IFFO1: variants seen among roughly 807,000 people sequenced by gnomAD.
IFFO1 encodes non-homologous end joining factor IFFO1.
A neutral mutation model predicts 59.6 loss-of-function variants in IFFO1; 42 were observed. That is an observed-to-expected ratio of 0.70 (90% CI 0.55 to 0.91). The LOEUF (loss-of-function observed/expected upper bound fraction) is 0.91. Ranked by LOEUF, IFFO1 falls within the 40% of genes least tolerant of loss-of-function variation. The pLI is 0.00. For missense variants in IFFO1, 711 were observed against 793.2 expected (o/e 0.90, Z 1.24); for synonymous variants, 336 against 342.8 (o/e 0.98, Z 0.22).
Position 6,550,680 on chromosome 12 carries a change from TG to T in IFFO1, c.930+14del. ...GCCTCACTTCGACCCTCGGGAAGCC[TG>T]GGGCTGCACTCACGTTACTCATGAG... On this transcript the variant is annotated intron_variant, in intron 3 of 9. Coordinates refer to ENST00000619571, the MANE Select transcript of IFFO1 (RefSeq NM_001193457.2). 1 of 1,607,506 alleles carries T rather than the reference TG, an allele frequency of 6.2e-7. No individual in the cohort carries two copies. Among genetic ancestry groups the T allele is most frequent in the Non-Finnish European group, 8.5e-7 (1 of 1,174,180 alleles).
At position 6,555,281 on chromosome 12, in the gene IFFO1, C is replaced by A. The variant is rs750382637; in HGVS notation, c.749G>T (p.Arg250Leu). Residue 250 changes from arginine (R) to leucine (L), a missense_variant, in exon 1 of 10, where the codon CGG (arginine) becomes CTG (leucine). Physicochemically the swap from Arg to Leu is moderately radical, Grantham distance 102. Around this residue, in one of 3 missense-constraint regions of IFFO1, gnomAD observed 579 missense variants for 650.3 expected, o/e 0.89. Transcript: ENST00000619571. The surrounding 1 kb of genome is among the most constrained non-coding windows in gnomAD (Gnocchi z 8.6). ...ALYNVLAKVK[R>L]ERDEYKRRWE... ...CCTCCGCTTGTACTCGTCCCGCTCCCGCTTCACTTTGGCCAGCACGTTGTA... is the reference window on the plus strand; with the variant it reads ...CCTCCGCTTGTACTCGTCCCGCTCCAGCTTCACTTTGGCCAGCACGTTGTA... 6.2e-7 allele frequency: 1 copy of A among 1,614,214 alleles called. No individual in the cohort carries two copies. The highest frequency in any genetic ancestry group is 1.1e-5 in the South Asian group (1 of 91,086).
chr12:6,541,350 A>G lies in IFFO1; in HGVS notation c.1610+162T>C, dbSNP rs1946701270. ...ACATAGCTCATCCAACTGCCAAGGG[A>G]GAGAGCTGTGGGTCTGGGCCAGCCC... On this transcript the variant is annotated intron_variant, in intron 9 of 9. Transcript: ENST00000619571. The surrounding 1 kb of genome is among the most constrained non-coding windows in gnomAD (Gnocchi z 4.8). Among the ~76,000 whole-genome samples, 1 of 152,132 alleles carries G rather than the reference A, an allele frequency of 6.6e-6. No homozygotes were observed. Among genetic ancestry groups the G allele is most frequent in the African/African-American group, 2.4e-5 (1 of 41,420 alleles).
intron 8 of IFFO1, among the ~76,000 whole-genome samples, chr12:6,547,619 G>T (rs868371700): frequency 6.6e-6 from 1 of 152,168 alleles, no homozygotes; most frequent in South Asian, 2.1e-4. Flanking sequence ...TACTCAGAAG[G>T]CTGGGGTGGG....
At chr12:6,547,736 G>A (rs1052560540) in intron 8 of IFFO1, among the ~76,000 whole-genome samples, 4 of 149,088 alleles carry the variant, frequency 2.7e-5, no homozygotes, top group Admixed American at 6.7e-5. Flanking sequence ...AGAGGGGGAG[G>A]GGAAGAGAGA....
At chr12:6,553,610 A>G (rs970765210) in intron 1 of IFFO1, among the ~76,000 whole-genome samples, 1 of 152,056 alleles carries the variant, frequency 6.6e-6, no homozygotes, top group African/African-American at 2.4e-5. Context: ...AAAAAGAAAA[A>G]AAAAAAATAG....
chr12:6,548,683 C>A lies in IFFO1; in HGVS notation c.1247G>T (p.Arg416Leu), dbSNP rs766790297. The A allele has an allele frequency of 1.2e-6, 2 of 1,613,990 alleles. No individual in the cohort carries two copies. The highest frequency in any genetic ancestry group is 1.7e-6 in the Non-Finnish European group (2 of 1,180,030). The change falls in exon 6 of 10, where the codon CGC becomes CTC. Residue 416 changes from arginine (R) to leucine (L), a missense_variant. Around this residue, in one of 3 missense-constraint regions of IFFO1, gnomAD observed 579 missense variants for 650.3 expected, o/e 0.89. Coordinates refer to ENST00000619571, the MANE Select transcript of IFFO1 (RefSeq NM_001193457.2). This position sits in a 1 kb window ranked among gnomAD's most constrained non-coding sequence, Gnocchi z 6.1. ...GCGGACTCACAGCTGGTTGAGCATGCGCTGCATCTCCTCGTTGATGCTGAG... is the reference window on the plus strand; with the variant it reads ...GCGGACTCACAGCTGGTTGAGCATGAGCTGCATCTCCTCGTTGATGCTGAG... The part of the protein sequence containing the change: ...TALSINEEMQ[R>L]MLNQLREYDF...
At position 6,550,746 on chromosome 12, in the gene IFFO1, C is replaced by T. The variant is rs1367911796; in HGVS notation, c.879G>A (p.Lys293=). The change falls in exon 3 of 10, where the codon AAG becomes AAA. Residue 293 remains lysine (K), a synonymous_variant. Transcript: ENST00000619571. ...ADACQEELAL[K]VEQLKAELVV... ...CCAGCTCAGCCTTCAACTGTTCCACCTTCAGTGCCAGCTCCTCCTGGCAGG... is the reference window on the plus strand; with the variant it reads ...CCAGCTCAGCCTTCAACTGTTCCACTTTCAGTGCCAGCTCCTCCTGGCAGG... 1.9e-6 allele frequency: 3 copies of T among 1,614,228 alleles called. No homozygotes were observed. Among genetic ancestry groups the T allele is most frequent in the Non-Finnish European group, 2.5e-6 (3 of 1,180,040 alleles).
At chr12:6,551,101 A>G in intron 1 of IFFO1, 100 bp from the exon 2 acceptor site, 1 of 1,212,104 alleles carries the variant, frequency 8.3e-7, no homozygotes, top group Non-Finnish European at 1.2e-6. Context: ...CTCAGACCCC[A>G]GTTCTGGTTC....
At chr12:6,540,993 A>C (rs527321347) in intron 9 of IFFO1, among the ~76,000 whole-genome samples, 1 of 148,984 alleles carries the variant, frequency 6.7e-6, no homozygotes, top group South Asian at 2.1e-4. Flanking sequence ...TAATCACTTG[A>C]ACCTGGGAGG....
At chr12:6,545,792 G>A (rs1010870691) in intron 8 of IFFO1, among the ~76,000 whole-genome samples, 3 of 152,068 alleles carry the variant, frequency 2.0e-5, no homozygotes, top group Middle Eastern at 3.4e-3. Flanking sequence ...CTGCCCATTA[G>A]TTACTTAGGA....
chr12:6,540,895 C>T (rs1435637991), intron 9 of IFFO1, among the ~76,000 whole-genome samples: 1 of 152,068 alleles, frequency 6.6e-6, no homozygotes, highest in Non-Finnish European at 1.5e-5. Context: ...TCAAGGCAAG[C>T]CTGGCCAACA....
At chr12:6,543,842 GTAA>G (rs756920676) in intron 8 of IFFO1, 3 of 152,072 alleles carry the variant, frequency 2.0e-5, no homozygotes, top group Non-Finnish European at 2.9e-5. Flanking sequence ...GCACATGCCC[GTAA>G]TCCCAGCTAC....
rs929117246 is a variant in IFFO1 at position 6,548,359 on chromosome 12, C to T, written c.1383+66G>A. 33 of 1,551,032 alleles carry T rather than the reference C, an allele frequency of 2.1e-5. No individual in the cohort carries two copies. The Admixed American group carries it at 2.4e-4, about 11-fold the overall frequency. On this transcript the variant is annotated intron_variant, in intron 7 of 9. Coordinates refer to ENST00000619571, the MANE Select transcript of IFFO1 (RefSeq NM_001193457.2). The surrounding 1 kb of genome is among the most constrained non-coding windows in gnomAD (Gnocchi z 6.1). The stretch of plus-strand genomic sequence containing the variant: ...TGGGGGGACAGAGCAAGGAGAGGAG[C>T]GGGGGAGTGGGCTTCAGGCTGGAGA...
Position 6,548,874 on chromosome 12 carries a change from G to A in IFFO1, c.1081-25C>T, listed in dbSNP as rs1947100969. ...ACTACAGAGACGAGGCCGGGTGCAT[G>A]AGGAGAAAGGGCGGGAGCGGGAGGC... On this transcript the variant is annotated intron_variant, in intron 5 of 9. Coordinates refer to ENST00000619571, the MANE Select transcript of IFFO1 (RefSeq NM_001193457.2). This position sits in a 1 kb window ranked among gnomAD's most constrained non-coding sequence, Gnocchi z 6.1. 6.3e-7 allele frequency: 1 copy of A among 1,585,516 alleles called. No homozygotes were observed. Among genetic ancestry groups the A allele is most frequent in the African/African-American group, 1.3e-5 (1 of 74,396 alleles).
In IFFO1 at chr12:6,550,000, G is replaced by T; in HGVS notation, c.931-104C>A. 7.8e-7 allele frequency: 1 copy of T among 1,286,026 alleles called. No individual in the cohort carries two copies. The highest frequency in any genetic ancestry group is 1.1e-6 in the Non-Finnish European group (1 of 936,356). The allele number at this position is 1,286,026 out of a possible 1,614,324, so 79.7% of individuals were successfully genotyped here. ...ATCCTTCCCACCACATTGCACCGGT[G>T]CCTCTTCTGTGGAGTCTCCCTGAGC... On this transcript the variant is annotated intron_variant, in intron 3 of 9. Transcript: ENST00000619571. The surrounding 1 kb of genome is among the most constrained non-coding windows in gnomAD (Gnocchi z 5.0).
chr12:6,550,817 G>T, intron 2 of IFFO1, 27 bp from the exon 3 acceptor site: 3 of 1,609,098 alleles, frequency 1.9e-6, no homozygotes, highest in Non-Finnish European at 2.6e-6. Context: ...CCCTGATGTT[G>T]GTGGCACTGC....
rs779429540 is a variant in IFFO1, at chr12:6,540,522, GTCC to G, written c.1674_1676del (p.Glu558del). The G allele has an allele frequency of 3.1e-6, 5 of 1,614,108 alleles. No individual in the cohort carries two copies. The African/African-American group carries it at 5.3e-5, about 17-fold the overall frequency. On this transcript the variant is annotated inframe_deletion, in exon 10 of 10. Coordinates refer to ENST00000619571, the MANE Select transcript of IFFO1 (RefSeq NM_001193457.2). ...TGTCAGATGAGACATCGCGATCGGA[GTCC>G]TCAGCCTCGCTTGGCGGCGGCGGCG...
chr12:6,545,698 G>GAAAAA (rs375842023), intron 8 of IFFO1, among the ~76,000 whole-genome samples: 1 of 122,116 alleles, frequency 8.2e-6, no homozygotes. Flanking sequence ...ACTCCGTCTC[G>GAAAAA]GAAAAAAAAA....
At position 6,550,984 on chromosome 12, in the gene IFFO1, G is replaced by A. The variant is rs150862109; in HGVS notation, c.791C>T (p.Thr264Met). ...EYKRRWEEEY[T>M]VRIQLQDRVN... ...ACGGTCTTGCAGCTGGATCCGCACC[G>A]TGTACTCCTCTTCCCACCTGACAGA... is the stretch of plus-strand genomic sequence containing the variant. The change falls in exon 2 of 10, where the codon ACG (threonine) becomes ATG (methionine). Residue 264 changes from threonine to methionine, a missense_variant. Coordinates refer to ENST00000619571, the MANE Select transcript of IFFO1 (RefSeq NM_001193457.2). The A allele has an allele frequency of 2.1e-4, 332 of 1,614,114 alleles. No individual in the cohort carries two copies. Among genetic ancestry groups the A allele is most frequent in the African/African-American group, 6.4e-4 (48 of 75,036 alleles).
Sources: allele counts gnomAD v4.1 joint callset (sites outside exome capture counted in the v4.1 genomes callset), GRCh38; gene constraint gnomAD v4.1.1; regional missense constraint gnomAD v4.1.1; non-coding constraint Gnocchi (gnomAD v3.1); transcripts MANE v1.5; gene names NCBI Gene and HGNC (gene_info 2026-07-23, HGNC 2026-07-21).